Variants in STEAP3 observed in about 807,000 individuals in gnomAD.
STEAP3 encodes metalloreductase STEAP3.
Under a neutral mutation model 34.9 loss-of-function variants are expected in STEAP3, and 35 were observed. The observed-to-expected ratio is 1.00, with a 90% CI of 0.76 to 1.33. STEAP3 has a LOEUF of 1.33. Ranked by LOEUF, STEAP3 falls within the 40% of genes most tolerant of loss-of-function variation. The pLI, the probability that STEAP3 is intolerant of heterozygous loss-of-function variation, is 0.00. For synonymous variants in STEAP3, 281 were observed against 301.6 expected (o/e 0.93, Z 0.71); for missense variants, 652 against 667.6 (o/e 0.98, Z 0.26).
chr2:119,244,307 G>A (rs570681697), intron 2 of STEAP3: 7 of 145,502 alleles, frequency 4.8e-5, no homozygotes, highest in East Asian at 2.1e-4. Context: ...TCAGTGGTGC[G>A]ATCACTTCAG....
chr2:119,230,934 G>A lies in STEAP3; in HGVS notation c.-79G>A. The A allele has an allele frequency of 1.3e-6, 2 of 1,594,706 alleles. No homozygotes were observed. The highest frequency in any genetic ancestry group is 1.7e-6 in the Non-Finnish European group (2 of 1,162,340). On this transcript the variant is annotated 5_prime_UTR_variant, in exon 2 of 6. Transcript: ENST00000393110. ...CCAAAGCCAGGCTGTCCTGGTTGGA[G>A]ACTGAGCCAGAAAGGGTGGCTCACC...
intron 5 of STEAP3, 75 bp downstream of exon 5, chr2:119,254,923 T>C (rs1677734190): frequency 1.3e-6 from 2 of 1,529,028 alleles, no homozygotes; most frequent in Non-Finnish European, 1.8e-6. Context: ...TGCTCTGCCT[T>C]TGAGAACTGC....
intron 2 of STEAP3, among the ~76,000 whole-genome samples, chr2:119,231,304 T>C (rs1010575563): frequency 1.5e-4 from 22 of 151,688 alleles, no homozygotes; most frequent in African/African-American, 5.1e-4. Flanking sequence ...AGGAGGCTTT[T>C]AAATTTCAGG....
chr2:119,226,185 G>C (rs1679034803), intron 1 of STEAP3, among the ~76,000 whole-genome samples: 2 of 152,214 alleles, frequency 1.3e-5, no homozygotes, highest in African/African-American at 4.8e-5. Context: ...AGCTACAAAT[G>C]AACAACTGAG....
Position 119,247,676 on chromosome 2 carries a change from C to T in STEAP3, c.523-3C>T. The T allele has an allele frequency of 6.6e-7, 1 of 1,518,404 alleles. No homozygotes were observed. Among genetic ancestry groups the T allele is most frequent in the East Asian group, 2.3e-5 (1 of 43,930 alleles). The allele number at this position is 1,518,404 out of a possible 1,614,324, so 94.1% of individuals were successfully genotyped here. On this transcript the variant is annotated splice_polypyrimidine_tract_variant and splice_region_variant and intron_variant, in intron 3 of 5. Transcript: ENST00000393110. ...GTCTGACTGCCCCACTTTTCTCCCG[C>T]AGGTGCCCATCTGCGGTGACCAGCC...
At chr2:119,242,587 C>T (rs1677280704) in intron 2 of STEAP3, among the ~76,000 whole-genome samples, 1 of 152,188 alleles carries the variant, frequency 6.6e-6, no homozygotes, top group Admixed American at 6.5e-5. Context: ...CTGGGCCCTA[C>T]TGCTGGCACG....
At chr2:119,258,514 A>T (rs1163875701) in intron 5 of STEAP3, among the ~76,000 whole-genome samples, 1 of 152,026 alleles carries the variant, frequency 6.6e-6, no homozygotes, top group Non-Finnish European at 1.5e-5. Flanking sequence ...GATTCCACAA[A>T]GAGGTGACTT....
At position 119,245,914 on chromosome 2, in the gene STEAP3, T is replaced by C; in HGVS notation, c.448T>C (p.Cys150Arg). 1.2e-6 allele frequency: 2 copies of C among 1,613,968 alleles called. No individual in the cohort carries two copies. The highest frequency in any genetic ancestry group is 1.7e-6 in the Non-Finnish European group (2 of 1,180,034). ...AEYLASLFPT[C>R]TVVKAFNVIS... is the part of the protein sequence containing the mutation. ...GTACCTGGCCTCCCTCTTCCCCACT[T>C]GCACAGTGGTCAAGGCCTTCAATGT... Residue 150 changes from cysteine to arginine, a missense_variant, in exon 3 of 6, where the codon TGC becomes CGC. By Grantham distance (180) the Cys-to-Arg change is radical. Transcript: ENST00000393110.
chr2:119,240,821 A>G (rs1677227461), intron 2 of STEAP3, among the ~76,000 whole-genome samples: 1 of 152,128 alleles, frequency 6.6e-6, no homozygotes, highest in African/African-American at 2.4e-5. Flanking sequence ...AGTTCTATAA[A>G]TAGAACCCCC....
In STEAP3 at chr2:119,228,974, A is replaced by C. The variant is rs1034391307; in HGVS notation, c.-393-1646A>C. Among the ~76,000 whole-genome samples, 9 of 152,082 alleles carry C rather than the reference A, an allele frequency of 5.9e-5. No homozygotes were observed. The East Asian group carries it at 1.2e-3, about 20-fold the overall frequency. ...TGCTTTCCTCAGGTGCGGTTTCCTC[A>C]CAGTGCAGCTTCTCCAAAGAGATCT... On this transcript the variant is annotated intron_variant, in intron 1 of 5. Coordinates refer to ENST00000393110, the MANE Select transcript of STEAP3 (RefSeq NM_182915.3).
chr2:119,261,886 G>A (rs1164945886), intron 5 of STEAP3, among the ~76,000 whole-genome samples: 2 of 152,214 alleles, frequency 1.3e-5, no homozygotes, highest in East Asian at 1.9e-4. Flanking sequence ...CATTGTTCAA[G>A]GGGTGTGAAG....
intron 4 of STEAP3, chr2:119,249,147 G>A (rs77354691): frequency 0.055 from 8,369 of 152,126 alleles, 285 homozygotes; most frequent in Middle Eastern, 0.11. Context: ...GTTTAGGTTT[G>A]TTGTTGTTGT....
At chr2:119,262,521 C>T (rs1677972308) in intron 5 of STEAP3, among the ~76,000 whole-genome samples, 1 of 152,096 alleles carries the variant, frequency 6.6e-6, no homozygotes, top group Non-Finnish European at 1.5e-5. Context: ...ACAACAAGCA[C>T]ATGCTGCCAC....
chr2:119,235,007 G>C (rs1677053174), intron 2 of STEAP3, among the ~76,000 whole-genome samples: 1 of 152,206 alleles, frequency 6.6e-6, no homozygotes, highest in African/African-American at 2.4e-5. Context: ...TGGATGGCAG[G>C]CAGGCCATCT....
At chr2:119,253,063 G>A (rs1303283571) in intron 4 of STEAP3, among the ~76,000 whole-genome samples, 4 of 152,218 alleles carry the variant, frequency 2.6e-5, no homozygotes, top group South Asian at 2.1e-4. Context: ...GCAGAGGTAC[G>A]GAGGAGACCT....
In STEAP3 at chr2:119,263,261, G is replaced by A. The variant is rs765446095; in HGVS notation, c.1420G>A (p.Gly474Ser). The part of the protein sequence containing the change: ...ISRRLARIRR[G>S]WERESTIKFT... ...CCGCAGACTCGCCAGGATCCGGAGAGGCTGGGAGAGGGAGAGCACCATCAA... is the reference window on the plus strand; with the variant it reads ...CCGCAGACTCGCCAGGATCCGGAGAAGCTGGGAGAGGGAGAGCACCATCAA... Residue 474 changes from glycine to serine, a missense_variant, in exon 6 of 6, where the codon GGC (glycine) becomes AGC (serine). Coordinates refer to ENST00000393110, the MANE Select transcript of STEAP3 (RefSeq NM_182915.3). The A allele has an allele frequency of 2.5e-6, 4 of 1,614,094 alleles. No homozygotes were observed. The highest frequency in any genetic ancestry group is 3.4e-6 in the Non-Finnish European group (4 of 1,180,026).
At chr2:119,249,761 C>T (rs778858643) in intron 4 of STEAP3, among the ~76,000 whole-genome samples, 2 of 152,208 alleles carry the variant, frequency 1.3e-5, no homozygotes, top group African/African-American at 2.4e-5. Flanking sequence ...CGACTGCCCT[C>T]GTCCTTTGCC....
chr2:119,236,422 G>A (rs1212283526), intron 2 of STEAP3, among the ~76,000 whole-genome samples: 7 of 152,158 alleles, frequency 4.6e-5, no homozygotes, highest in Admixed American at 4.6e-4. Flanking sequence ...CCTCTGCTGG[G>A]CCCTTGCTGG....
intron 5 of STEAP3, among the ~76,000 whole-genome samples, chr2:119,257,003 G>A (rs1012304109): frequency 6.6e-6 from 1 of 152,308 alleles, no homozygotes; most frequent in East Asian, 1.9e-4. Context: ...ACCAACCACC[G>A]ATTTCTGAGT....
Sources: allele counts gnomAD v4.1 joint callset (sites outside exome capture counted in the v4.1 genomes callset), GRCh38; gene constraint gnomAD v4.1.1; transcripts MANE v1.5; gene names NCBI Gene and HGNC (gene_info 2026-07-23, HGNC 2026-07-21).